FAM120B: variants seen among roughly 807,000 people sequenced by gnomAD.
FAM120B encodes the protein constitutive coactivator of peroxisome proliferator-activated receptor gamma.
Under a neutral mutation model 96.3 loss-of-function variants are expected in FAM120B, and 83 were observed. That is an observed-to-expected ratio of 0.86 (90% CI 0.72 to 1.03). The LOEUF is 1.03. Ranked by LOEUF, FAM120B falls within the 50% of genes least tolerant of loss-of-function variation. The pLI is 0.00. For missense variants in FAM120B, 1,027 were observed against 1,121.2 expected (o/e 0.92, Z 1.20); for synonymous variants, 407 against 402.7 (o/e 1.01, Z -0.13).
Position 170,404,758 on chromosome 6 carries a change from TC to T in FAM120B, c.*12-3del. ...TTGGTTTCAAAACACTCTTGCTTCC[TC>T]CAGAAAGAGTATGGAGAGAAAAAGA... On this transcript the variant is annotated splice_polypyrimidine_tract_variant and splice_region_variant and intron_variant, in intron 10 of 10. Transcript: ENST00000476287. The T allele has an allele frequency of 1.6e-6, 1 of 641,404 alleles. No individual in the cohort carries two copies. Among genetic ancestry groups the T allele is most frequent in the Non-Finnish European group, 2.7e-6 (1 of 364,248 alleles). 39.7% of individuals were successfully genotyped at this position (641,404 alleles called of 1,614,324 possible).
intron 5 of FAM120B, among the ~76,000 whole-genome samples, chr6:170,354,310 T>C (rs1022933828): frequency 1.3e-5 from 2 of 152,030 alleles, no homozygotes; most frequent in Non-Finnish European, 1.5e-5. Flanking sequence ...CCCAAAAATA[T>C]AAAAACCCTA....
At chr6:170,366,381 T>C (rs1461855751) in intron 6 of FAM120B, among the ~76,000 whole-genome samples, 1 of 152,044 alleles carries the variant, frequency 6.6e-6, no homozygotes, top group African/African-American at 2.4e-5. Flanking sequence ...GTCTCTCCAT[T>C]GCATCTGGGA....
chr6:170,304,816 C>T (rs913596640), upstream of FAM120B, among the ~76,000 whole-genome samples: 1 of 152,144 alleles, frequency 6.6e-6, no homozygotes, highest in Non-Finnish European at 1.5e-5. Flanking sequence ...TCCTTCCAGG[C>T]TCAGTTCACA....
intron 9 of FAM120B, among the ~76,000 whole-genome samples, chr6:170,398,118 G>A (rs1280219971): frequency 2.6e-5 from 4 of 152,248 alleles, no homozygotes; most frequent in Non-Finnish European, 5.9e-5. Context: ...CTGTCACAGA[G>A]GAAACTGTAA....
chr6:170,335,710 G>A (rs1477733022), intron 4 of FAM120B, among the ~76,000 whole-genome samples: 1 of 152,160 alleles, frequency 6.6e-6, no homozygotes, highest in Non-Finnish European at 1.5e-5. Flanking sequence ...ATCCTCGCCA[G>A]CATAGTTGTT....
rs1020862937 is a variant in FAM120B at position 170,405,801 on chromosome 6, C to CT, written c.*1053dup. 2 of 152,140 alleles carry CT rather than the reference C, an allele frequency of 1.3e-5. No individual in the cohort carries two copies. The highest frequency in any genetic ancestry group is 2.9e-5 in the Non-Finnish European group (2 of 68,038). The allele number at this position is 152,140 out of a possible 1,614,324, so 9.4% of individuals were successfully genotyped here. ...TGTGTCTGTTTCTGTGGGGTCATCC[C>CT]TTTCGTTTCATTTTGCCAGGGCCTG... is the stretch of plus-strand genomic sequence containing the variant. On this transcript the variant is annotated 3_prime_UTR_variant, in exon 11 of 11. Transcript: ENST00000476287.
chr6:170,353,945 A>G (rs1038947312), intron 5 of FAM120B, among the ~76,000 whole-genome samples: 2 of 152,244 alleles, frequency 1.3e-5, no homozygotes, highest in Non-Finnish European at 1.5e-5. Flanking sequence ...CAGAACCAAA[A>G]AAGAGCCTGA....
chr6:170,372,116 C>T (rs576224043), intron 6 of FAM120B, among the ~76,000 whole-genome samples: 2 of 152,204 alleles, frequency 1.3e-5, no homozygotes, highest in South Asian at 4.1e-4. Context: ...TATTTTCTAT[C>T]TAGACATACA....
intron 6 of FAM120B, among the ~76,000 whole-genome samples, chr6:170,383,069 A>G (rs1739582754): frequency 6.6e-6 from 1 of 151,364 alleles, no homozygotes; most frequent in Non-Finnish European, 1.5e-5. Context: ...AGCCAATGTG[A>G]CTGGAGCACT....
At chr6:170,346,376 A>G (rs1057298352) in intron 4 of FAM120B, among the ~76,000 whole-genome samples, 1 of 152,208 alleles carries the variant, frequency 6.6e-6, no homozygotes, top group African/African-American at 2.4e-5. Flanking sequence ...GTAGAATTGT[A>G]CATTGTTTTT....
At position 170,323,166 on chromosome 6, in the gene FAM120B, G is replaced by A; in HGVS notation, c.1822G>A (p.Glu608Lys). Residue 608 changes from glutamate to lysine, a missense_variant, in exon 3 of 11, where the codon GAA becomes AAA. This residue lies in a region of FAM120B where 880 missense variants were observed against 980.9 expected (regional missense o/e 0.90). Transcript: ENST00000476287. Reference protein sequence around the residue: ...SGEIECSNTLEDELDQALPSQ... With the variant: ...SGEIECSNTLKDELDQALPSQ... ...AGAGATTGAATGCAGCAACACCCTA[G>A]AAGATGAGCTTGACCAGGCCTTACC... 6.2e-7 allele frequency: 1 copy of A among 1,614,150 alleles called. No homozygotes were observed. Among genetic ancestry groups the A allele is most frequent in the Non-Finnish European group, 8.5e-7 (1 of 1,180,028 alleles).
At chr6:170,391,295 G>A (rs1790467070) in intron 8 of FAM120B, 174 bp downstream of exon 8, 1 of 561,346 alleles carries the variant, frequency 1.8e-6, no homozygotes, top group Admixed American at 2.9e-5. Context: ...AGCACTTTGG[G>A]AGGCCGAGGC....
At chr6:170,340,221 T>C (rs543398609) in intron 4 of FAM120B, among the ~76,000 whole-genome samples, 1 of 152,326 alleles carries the variant, frequency 6.6e-6, no homozygotes, top group East Asian at 1.9e-4. Context: ...CTTGTCGTCA[T>C]GCCTTATTTC....
At chr6:170,399,474 G>T (rs6907355) in intron 9 of FAM120B, among the ~76,000 whole-genome samples, 1 of 49,086 alleles carries the variant, frequency 2.0e-5, no homozygotes, top group Non-Finnish European at 4.6e-5. Flanking sequence ...TAACTCTTAG[G>T]AGTGAGTGAG....
chr6:170,327,208 G>A (rs1367425999), intron 3 of FAM120B, among the ~76,000 whole-genome samples: 2 of 151,976 alleles, frequency 1.3e-5, no homozygotes, highest in Admixed American at 6.6e-5. Flanking sequence ...CACCATGCCC[G>A]GCTAATTTTT....
intron 1 of FAM120B, among the ~76,000 whole-genome samples, chr6:170,316,058 C>CAAAAAAAAAAAAAAAAAAAAAAAAAAA (rs35344814): frequency 1.1e-5 from 1 of 91,856 alleles, no homozygotes. Context: ...GACCCGGTCT[C>CAAAAAAAAAAAAAAAAAAAAAAAAAAA]AAAAAAAAAA....
intron 1 of FAM120B, among the ~76,000 whole-genome samples, chr6:170,312,666 G>C (rs994076558): frequency 7.2e-5 from 11 of 152,154 alleles, no homozygotes; most frequent in Non-Finnish European, 1.6e-4. Context: ...TCTATTCCTA[G>C]AAATTCTAAA....
At chr6:170,336,058 C>A (rs1171465638) in intron 4 of FAM120B, among the ~76,000 whole-genome samples, 1 of 152,192 alleles carries the variant, frequency 6.6e-6, no homozygotes, top group African/African-American at 2.4e-5. Flanking sequence ...TTAATTAGAT[C>A]CCATTTGTCA....
At chr6:170,402,673 C>T (rs1357067989) in intron 9 of FAM120B, among the ~76,000 whole-genome samples, 2 of 152,184 alleles carry the variant, frequency 1.3e-5, no homozygotes, top group Admixed American at 6.5e-5. Flanking sequence ...GGCTACATGG[C>T]GTGAACTCCA....
Sources: gnomAD v4.1 joint callset for allele counts (sites outside exome capture counted in the v4.1 genomes callset) on GRCh38, gnomAD v4.1.1 for gene constraint, gnomAD v4.1.1 regional missense constraint, MANE v1.5 for transcripts, NCBI Gene and HGNC (gene_info 2026-07-23, HGNC 2026-07-21) for gene names.